USP42: variants seen among roughly 807,000 people sequenced by gnomAD.
USP42 encodes ubiquitin specific peptidase 42.
A neutral mutation model predicts 113.0 loss-of-function variants in USP42; 23 were observed. That is an observed-to-expected ratio of 0.20 (90% CI 0.15 to 0.29). The LOEUF (loss-of-function observed/expected upper bound fraction) is 0.29, where lower values mean the gene tolerates loss of function less well. USP42 is among the 10% of genes least tolerant of loss of function. The pLI, the probability that USP42 is intolerant of heterozygous loss-of-function variation, is 1.00. For synonymous variants in USP42, 933 were observed against 699.0 expected, an observed-to-expected ratio of 1.33 and a Z score of -5.28; for missense variants, 2,174 against 1,779.8, an observed-to-expected ratio of 1.22 and a Z score of -3.99.
intron 3 of USP42, among the ~76,000 whole-genome samples, chr7:6,119,988 C>T (rs779799576): frequency 7.2e-5 from 11 of 152,048 alleles, no homozygotes; most frequent in East Asian, 5.8e-4. Flanking sequence ...TTTTTTGAGA[C>T]GGAGTCTCGC....
At chr7:6,102,109 ATTTTTTTT>A (rs370131326), upstream of USP42, among the ~76,000 whole-genome samples, 36 of 121,658 alleles carry the variant, frequency 3.0e-4, no homozygotes, top group Non-Finnish European at 1.0e-4. Flanking sequence ...GTCTCCTAAG[ATTTTTTTT>A]TTTTTTTTTT....
intron 14 of USP42, among the ~76,000 whole-genome samples, chr7:6,151,633 G>C (rs1031475137): frequency 3.3e-5 from 5 of 152,096 alleles, no homozygotes; most frequent in Non-Finnish European, 7.3e-5. Flanking sequence ...AGTAGAGACA[G>C]GGTTTTACCA....
the USP42 span, among the ~76,000 whole-genome samples, chr7:6,082,603 GTTTTTT>G: frequency 7.8e-5 from 7 of 90,196 alleles, no homozygotes; most frequent in Non-Finnish European, 1.2e-4. Context: ...CTTTCTTTCT[GTTTTTT>G]TTTTTTTTTT....
At chr7:6,141,891 G>T (rs1781452289) in intron 7 of USP42, among the ~76,000 whole-genome samples, 1 of 152,154 alleles carries the variant, frequency 6.6e-6, no homozygotes, top group African/African-American at 2.4e-5. Context: ...GCTCCAGAAT[G>T]TATTGTTCAC....
At chr7:6,140,014 C>A in intron 5 of USP42, 114 bp from the exon 6 acceptor site, 1 of 990,150 alleles carries the variant, frequency 1.0e-6, no homozygotes. Flanking sequence ...TTTTCCATGG[C>A]TGTCCTGTTT....
At chr7:6,109,845 T>C (rs1779499398) in intron 1 of USP42, among the ~76,000 whole-genome samples, 1 of 151,584 alleles carries the variant, frequency 6.6e-6, no homozygotes, top group Non-Finnish European at 1.5e-5. Flanking sequence ...AGATTACAGG[T>C]ACGTGCCACC....
chr7:6,120,316 C>T (rs1780148668), intron 3 of USP42, among the ~76,000 whole-genome samples: 1 of 152,160 alleles, frequency 6.6e-6, no homozygotes, highest in African/African-American at 2.4e-5. Context: ...TATCTCCACT[C>T]ACTGTAACCT....
At chr7:6,120,152 G>T (rs1780138788) in intron 3 of USP42, among the ~76,000 whole-genome samples, 1 of 152,174 alleles carries the variant, frequency 6.6e-6, no homozygotes. Context: ...TTTTAGTAGA[G>T]ATGGGGTTTC....
At chr7:6,124,620 G>A (rs372570434) in intron 3 of USP42, among the ~76,000 whole-genome samples, 1 of 152,104 alleles carries the variant, frequency 6.6e-6, no homozygotes, top group East Asian at 1.9e-4. Flanking sequence ...TTATCCAATA[G>A]TAGCCTCTGC....
At chr7:6,081,270 G>A in the USP42 span, 1 of 152,196 alleles carries the variant, frequency 6.6e-6, no homozygotes, top group Non-Finnish European at 1.5e-5. Flanking sequence ...GGCTAACGGA[G>A]GTGAGCTGGA....
At position 6,154,033 on chromosome 7, in the gene USP42, G is replaced by T; in HGVS notation, c.2479G>T (p.Asp827Tyr). Residue 827 changes from aspartate (D) to tyrosine (Y), a missense_variant, in exon 15 of 18, where the codon GAT becomes TAT. Asp to Tyr is a radical substitution (Grantham distance 160). Coordinates refer to ENST00000306177, the MANE Select transcript of USP42 (RefSeq NM_032172.3). ...GTGTGATCCCGGGAGCTTAACAGGCGATGCGAGCCCGTTGTCCCAGGACGC... is the reference window on the plus strand; with the variant it reads ...GTGTGATCCCGGGAGCTTAACAGGCTATGCGAGCCCGTTGTCCCAGGACGC... ...DLCDPGSLTG[D>Y]ASPLSQDAKG... 1.2e-6 allele frequency: 2 copies of T among 1,605,054 alleles called. No individual in the cohort carries two copies.
intron 14 of USP42, among the ~76,000 whole-genome samples, chr7:6,151,232 C>T (rs1425302040): frequency 5.3e-5 from 8 of 152,140 alleles, no homozygotes; most frequent in African/African-American, 9.7e-5. Flanking sequence ...AGGCCTGGGA[C>T]GGTACACTAC....
At chr7:6,097,907 C>T in the USP42 span, among the ~76,000 whole-genome samples, 20 of 103,614 alleles carry the variant, frequency 1.9e-4, no homozygotes, top group South Asian at 5.9e-4. Context: ...TCTTTCTTTT[C>T]TTTTTTTTTT....
chr7:6,115,171 CT>C (rs1465951862), intron 2 of USP42, among the ~76,000 whole-genome samples, 151 bp from the exon 3 acceptor site: 1 of 152,120 alleles, frequency 6.6e-6, no homozygotes, highest in East Asian at 1.9e-4. Context: ...TGGTTTCTGT[CT>C]TTTAAAATGT....
chr7:6,104,572 G>A (rs979824404), upstream of USP42, among the ~76,000 whole-genome samples: 8 of 152,204 alleles, frequency 5.3e-5, no homozygotes, highest in Admixed American at 1.3e-4. Context: ...GGGGTCAAGC[G>A]CAGGACGAGG....
chr7:6,154,013 A>T lies in USP42; in HGVS notation c.2459A>T (p.Asp820Val). 4.4e-6 allele frequency: 7 copies of T among 1,603,914 alleles called. No individual in the cohort carries two copies. Among genetic ancestry groups the T allele is most frequent in the Non-Finnish European group, 5.9e-6 (7 of 1,179,046 alleles). Reference sequence around the variant, plus strand: ...GACACAGCACCCCCTGACCTGTGTGATCCCGGGAGCTTAACAGGCGATGCG... The same window carrying T: ...GACACAGCACCCCCTGACCTGTGTGTTCCCGGGAGCTTAACAGGCGATGCG... ...VGDTAPPDLC[D>V]PGSLTGDASP... Residue 820 changes from aspartate to valine, a missense_variant, in exon 15 of 18, where the codon GAT becomes GTT. Asp to Val is a radical substitution (Grantham distance 152). Transcript: ENST00000306177.
At chr7:6,136,150 G>A (rs1459285928) in intron 4 of USP42, among the ~76,000 whole-genome samples, 199 bp downstream of exon 4, 1 of 151,862 alleles carries the variant, frequency 6.6e-6, no homozygotes, top group Non-Finnish European at 1.5e-5. Flanking sequence ...GATCACAGGC[G>A]TGTACCACTA....
At position 6,155,044 on chromosome 7, in the gene USP42, C is replaced by T. The variant is rs1421306655; in HGVS notation, c.3490C>T (p.His1164Tyr). The T allele has an allele frequency of 5.1e-6, 8 of 1,563,282 alleles. No individual in the cohort carries two copies. Among genetic ancestry groups the T allele is most frequent in the South Asian group, 2.4e-5 (2 of 84,636 alleles). ...HENGKSRKRR[H>Y]DSVENSDSHV... is the part of the protein sequence containing the mutation. ...AAATGGAAAGTCCCGGAAACGGAGA[C>T]ACGACAGTGTGGAGAACAGTGACAG... Residue 1164 changes from histidine (H) to tyrosine (Y), a missense_variant, in exon 15 of 18, where the codon CAC becomes TAC. By Grantham distance (83) the His-to-Tyr change is moderately conservative. Transcript: ENST00000306177.
intron 7 of USP42, among the ~76,000 whole-genome samples, chr7:6,141,791 A>G (rs1781446572): frequency 1.3e-5 from 2 of 152,358 alleles, no homozygotes; most frequent in South Asian, 4.1e-4. Context: ...CAGATGTAAT[A>G]CATGCTTATG....
Sources: allele counts gnomAD v4.1 joint callset (sites outside exome capture counted in the v4.1 genomes callset), GRCh38; gene constraint gnomAD v4.1.1; transcripts MANE v1.5; gene names NCBI Gene and HGNC (gene_info 2026-07-23, HGNC 2026-07-21).